HORMAD2: variants seen among roughly 807,000 people sequenced by gnomAD.
The protein encoded by HORMAD2 is HORMA domain containing 2.
A neutral mutation model predicts 38.8 loss-of-function variants in HORMAD2; 45 were observed. The ratio of observed to expected loss-of-function variants is 1.16; its 90% CI spans 0.91 to 1.49. The LOEUF is 1.49. HORMAD2 is among the 40% of genes most tolerant of loss of function. The pLI is 0.00. For synonymous variants in HORMAD2, 126 were observed against 122.8 expected (o/e 1.03, Z -0.17); for missense variants, 338 against 367.0 (o/e 0.92, Z 0.65).
chr22:30,128,089 A>G (rs1233886996), intron 10 of HORMAD2, among the ~76,000 whole-genome samples: 2 of 152,280 alleles, frequency 1.3e-5, no homozygotes, highest in South Asian at 4.1e-4. Context: ...AAATATTTCA[A>G]ATATTTTAAG....
At chr22:30,107,872 A>ATT (rs560871522) in intron 5 of HORMAD2, among the ~76,000 whole-genome samples, 12 of 144,162 alleles carry the variant, frequency 8.3e-5, no homozygotes, top group Admixed American at 2.1e-4. Flanking sequence ...ATTTTGTGTG[A>ATT]TTTTTTTTTT....
intron 2 of HORMAD2, among the ~76,000 whole-genome samples, chr22:30,098,020 A>T (rs995672299): frequency 6.6e-5 from 10 of 152,192 alleles, no homozygotes; most frequent in Non-Finnish European, 1.0e-4. Context: ...TCTAGCCTGG[A>T]TGACTGGAGT....
chr22:30,096,819 A>G (rs887176382), intron 2 of HORMAD2, among the ~76,000 whole-genome samples: 4 of 152,022 alleles, frequency 2.6e-5, no homozygotes, highest in African/African-American at 9.7e-5. Context: ...ACACTTTTTC[A>G]TTTGTTTATT....
downstream of HORMAD2, chr22:30,177,099 T>C (rs1926503554): frequency 6.6e-6 from 1 of 152,568 alleles, no homozygotes; most frequent in African/African-American, 2.4e-5. Flanking sequence ...TCATCTTTTT[T>C]CACACAGAAA....
At chr22:30,167,350 C>T (rs1317304581) in intron 10 of HORMAD2, among the ~76,000 whole-genome samples, 1 of 152,188 alleles carries the variant, frequency 6.6e-6, no homozygotes, top group Non-Finnish European at 1.5e-5. Flanking sequence ...AGGTCACATT[C>T]ACAGGCTGCA....
chr22:30,135,688 G>A (rs1362320630), intron 10 of HORMAD2, among the ~76,000 whole-genome samples: 17 of 152,056 alleles, frequency 1.1e-4, no homozygotes, highest in Admixed American at 9.8e-4. Context: ...AGCCCTTCTC[G>A]AACACTCAGA....
chr22:30,157,571 C>A (rs919499668), intron 10 of HORMAD2, among the ~76,000 whole-genome samples: 4 of 151,884 alleles, frequency 2.6e-5, no homozygotes, highest in African/African-American at 9.7e-5. Context: ...CTATTCATTG[C>A]TTCTTGGGTG....
intron 10 of HORMAD2, 36 bp downstream of exon 10, chr22:30,122,250 G>A: frequency 1.9e-6 from 3 of 1,567,908 alleles, no homozygotes; most frequent in Non-Finnish European, 2.6e-6. Context: ...TATCGTGTCA[G>A]TTAAACACAA....
chr22:30,095,357 T>C (rs1432458605), intron 2 of HORMAD2, among the ~76,000 whole-genome samples: 1 of 152,174 alleles, frequency 6.6e-6, no homozygotes, highest in Non-Finnish European at 1.5e-5. Flanking sequence ...AGGTCAGATA[T>C]TAGGTTTGCT....
At chr22:30,132,539 C>CA (rs11384913) in intron 10 of HORMAD2, among the ~76,000 whole-genome samples, 39,089 of 129,444 alleles carry the variant, frequency 0.3, 5,927 homozygotes, top group Middle Eastern at 0.42. Flanking sequence ...GACTCCGTCT[C>CA]AAAAAAAAAA....
At chr22:30,132,204 A>C (rs1923331732) in intron 10 of HORMAD2, among the ~76,000 whole-genome samples, 1 of 152,200 alleles carries the variant, frequency 6.6e-6, no homozygotes, top group African/African-American at 2.4e-5. Flanking sequence ...TGGCAAGAAT[A>C]TCTCAGATTC....
intron 3 of HORMAD2, 148 bp downstream of exon 3, chr22:30,099,141 A>G (rs908051244): frequency 1.6e-6 from 1 of 630,570 alleles, no homozygotes; most frequent in Non-Finnish European, 2.5e-6. Context: ...TTCCATTTTA[A>G]TTTTACTGTG....
intron 5 of HORMAD2, among the ~76,000 whole-genome samples, chr22:30,109,897 G>T (rs539855921): frequency 2.0e-5 from 3 of 152,088 alleles, no homozygotes; most frequent in Non-Finnish European, 2.9e-5. Flanking sequence ...AACTTTTTAA[G>T]GGTAGGGATA....
At chr22:30,083,628 T>A (rs368149208) in intron 1 of HORMAD2, among the ~76,000 whole-genome samples, 123 of 152,084 alleles carry the variant, frequency 8.1e-4, no homozygotes, top group African/African-American at 2.8e-3. Flanking sequence ...TCTGGCTTTT[T>A]TTTTGAGACG....
intron 10 of HORMAD2, among the ~76,000 whole-genome samples, chr22:30,127,147 T>C: frequency 6.6e-6 from 1 of 151,748 alleles, no homozygotes; most frequent in Non-Finnish European, 1.5e-5. Context: ...GTGAATATCT[T>C]CTTCAACCTT....
chr22:30,088,232 TAC>T (rs1336234847), intron 1 of HORMAD2, among the ~76,000 whole-genome samples: 6 of 149,532 alleles, frequency 4.0e-5, no homozygotes, highest in South Asian at 4.2e-4. Context: ...TATACATATA[TAC>T]ACACATATAT....
chr22:30,140,028 T>C (rs1382706813), intron 10 of HORMAD2, among the ~76,000 whole-genome samples: 1 of 152,086 alleles, frequency 6.6e-6, no homozygotes. Flanking sequence ...TTGTGTCTAA[T>C]GCATGAGAGA....
At chr22:30,123,990 C>CT (rs966621461) in intron 10 of HORMAD2, among the ~76,000 whole-genome samples, 436 of 143,518 alleles carry the variant, frequency 3.0e-3, no homozygotes, top group African/African-American at 9.3e-3. Context: ...GAATTTCTTT[C>CT]TTTTTTTTTT....
intron 10 of HORMAD2, among the ~76,000 whole-genome samples, 192 bp downstream of exon 10, chr22:30,122,406 T>C (rs1391398693): frequency 6.6e-6 from 1 of 152,208 alleles, no homozygotes; most frequent in African/African-American, 2.4e-5. Context: ...TCAGATGAAA[T>C]TGTCCATAAC....
Sources: gnomAD v4.1 joint callset for allele counts (sites outside exome capture counted in the v4.1 genomes callset) on GRCh38, gnomAD v4.1.1 for gene constraint, MANE v1.5 for transcripts, NCBI Gene and HGNC (gene_info 2026-07-23, HGNC 2026-07-21) for gene names.